Variants in MIA3 observed in about 807,000 individuals in gnomAD.
MIA3 encodes the protein transport and Golgi organization protein 1 homolog.
MIA3 carries 90 observed loss-of-function variants against 192.4 expected under a neutral mutation model. The ratio of observed to expected loss-of-function variants is 0.47; its 90% CI spans 0.39 to 0.56. MIA3 has a LOEUF of 0.56. MIA3 is among the 20% of genes least tolerant of loss of function. The pLI, the probability that MIA3 is intolerant of heterozygous loss-of-function variation, is 0.00. For missense variants in MIA3, 2,123 were observed against 2,269.4 expected (o/e 0.94, Z 1.31); for synonymous variants, 740 against 792.8 (o/e 0.93, Z 1.12).
Position 222,628,467 on chromosome 1 carries a change from A to C in MIA3, c.1247A>C (p.Asp416Ala), listed in dbSNP as rs1192184613. 1 of 1,612,770 alleles carries C rather than the reference A, an allele frequency of 6.2e-7. No homozygotes were observed. The highest frequency in any genetic ancestry group is 1.7e-5 in the Admixed American group (1 of 59,694). The change falls in exon 4 of 28, where the codon GAT becomes GCT. Residue 416 changes from aspartate (D) to alanine (A), a missense_variant. Transcript: ENST00000344922. ...SSSEEEKEDD[D>A]DALVPDSKQG... ...TCAGAGGAAGAAAAAGAAGATGATG[A>C]TGATGCATTAGTCCCAGATAGCAAA... is the stretch of plus-strand genomic sequence containing the variant.
intron 2 of MIA3, among the ~76,000 whole-genome samples, chr1:222,623,684 A>C (rs1661979700): frequency 6.6e-6 from 1 of 152,176 alleles, no homozygotes; most frequent in African/African-American, 2.4e-5. Flanking sequence ...ATGTTTTATG[A>C]ATTAGTGATA....
intron 19 of MIA3, 52 bp from the exon 20 acceptor site, chr1:222,659,401 T>A (rs1663893195): frequency 6.6e-7 from 1 of 1,516,482 alleles, no homozygotes; most frequent in African/African-American, 1.4e-5. Flanking sequence ...TCAGATTGTT[T>A]GGGTTTTTAT....
chr1:222,632,243 C>T lies in MIA3; in HGVS notation c.3248C>T (p.Thr1083Ile). The change falls in exon 5 of 28, where the codon ACC becomes ATC. Residue 1083 changes from threonine (T) to isoleucine (I), a missense_variant. Physicochemically the swap from Thr to Ile is moderately conservative, Grantham distance 89. Coordinates refer to ENST00000344922, the MANE Select transcript of MIA3 (RefSeq NM_198551.4). ...ELNVQVPEEP[T>I]HLDQRVIGDT... is the part of the protein sequence containing the mutation. ...AATGTGCAGGTTCCTGAAGAACCCA[C>T]CCACTTGGACCAACGTGTGATTGGG... 3.1e-6 allele frequency: 5 copies of T among 1,614,132 alleles called. No individual in the cohort carries two copies. The highest frequency in any genetic ancestry group is 4.2e-6 in the Non-Finnish European group (5 of 1,179,982).
At chr1:222,625,217 G>C (rs1662056512) in intron 3 of MIA3, among the ~76,000 whole-genome samples, 1 of 152,110 alleles carries the variant, frequency 6.6e-6, no homozygotes, top group African/African-American at 2.4e-5. Flanking sequence ...CATTGTGTTA[G>C]GATGGTCTCG....
Position 222,665,338 on chromosome 1 carries a change from A to C in MIA3, c.5443A>C (p.Arg1815=). The change falls in exon 28 of 28, where the codon AGA becomes CGA. Residue 1815 remains arginine (R), a synonymous_variant. Transcript: ENST00000344922. ...GPGMRPPLGL[R]EFAPGVPPGR... ...TGGTATGCGTCCACCACTAGGCTTAAGAGAATTTGCACCAGGCGTTCCACC... is the reference window on the plus strand; with the variant it reads ...TGGTATGCGTCCACCACTAGGCTTACGAGAATTTGCACCAGGCGTTCCACC... The C allele has an allele frequency of 6.2e-7, 1 of 1,613,698 alleles. No homozygotes were observed. The highest frequency in any genetic ancestry group is 8.5e-7 in the Non-Finnish European group (1 of 1,179,792).
In MIA3 at chr1:222,630,281, A is replaced by T; in HGVS notation, c.3061A>T (p.Ile1021Phe). The T allele has an allele frequency of 6.2e-7, 1 of 1,614,226 alleles. No individual in the cohort carries two copies. Among genetic ancestry groups the T allele is most frequent in the Non-Finnish European group, 8.5e-7 (1 of 1,180,024 alleles). The part of the protein sequence containing the change: ...IFEEAAVLDD[I>F]QDLIYFVRYK... ...TGAAGAGGCTGCAGTGCTTGATGAC[A>T]TTCAAGACCTCATCTATTTTGTCAG... is the stretch of plus-strand genomic sequence containing the variant. Residue 1021 changes from isoleucine (I) to phenylalanine (F), a missense_variant, in exon 4 of 28, where the codon ATT becomes TTT. Around this residue, in one of 3 missense-constraint regions of MIA3, gnomAD observed 1,357 missense variants for 1,396.1 expected, o/e 0.97. Coordinates refer to ENST00000344922, the MANE Select transcript of MIA3 (RefSeq NM_198551.4).
chr1:222,654,584 G>A, intron 17 of MIA3, 71 bp from the exon 18 acceptor site: 1 of 1,572,706 alleles, frequency 6.4e-7, no homozygotes, highest in South Asian at 1.1e-5. Context: ...ATTTCTCTCA[G>A]CACCAGCCCC....
At chr1:222,642,829 T>C (rs1662923810) in intron 6 of MIA3, among the ~76,000 whole-genome samples, 2 of 152,250 alleles carry the variant, frequency 1.3e-5, no homozygotes, top group South Asian at 2.1e-4. Context: ...TCCATATGTT[T>C]TTAAATTATT....
intron 3 of MIA3, among the ~76,000 whole-genome samples, chr1:222,627,220 A>G (rs1181846361): frequency 2.0e-5 from 3 of 152,272 alleles, no homozygotes; most frequent in African/African-American, 7.2e-5. Context: ...GGGTCTCCCC[A>G]GGTGGGACTG....
intron 24 of MIA3, chr1:222,660,654 G>C (rs989787910): frequency 1.1e-5 from 2 of 178,018 alleles, no homozygotes; most frequent in African/African-American, 4.8e-5. Flanking sequence ...CTTCTATGCA[G>C]ATTTTTTTCA....
chr1:222,635,446 A>G (rs914987921), intron 6 of MIA3, among the ~76,000 whole-genome samples: 2 of 152,196 alleles, frequency 1.3e-5, no homozygotes, highest in Non-Finnish European at 2.9e-5. Context: ...TGCCGACTTG[A>G]GAGGGATTGT....
chr1:222,634,816 T>C (rs1396924750), intron 6 of MIA3, among the ~76,000 whole-genome samples: 1 of 152,234 alleles, frequency 6.6e-6, no homozygotes, highest in African/African-American at 2.4e-5. Flanking sequence ...CAAGCCAAGA[T>C]GATTTTATTT....
At chr1:222,657,113 G>A (rs990969398) in intron 18 of MIA3, among the ~76,000 whole-genome samples, 29 of 152,246 alleles carry the variant, frequency 1.9e-4, no homozygotes, top group African/African-American at 6.3e-4. Context: ...GAAATTTGAG[G>A]TCTAAGATGA....
At chr1:222,647,833 T>C (rs1018179255) in intron 7 of MIA3, 6 of 332,314 alleles carry the variant, frequency 1.8e-5, no homozygotes, top group Admixed American at 1.6e-4. Context: ...GTAATTTCTT[T>C]CCATGTTGGA....
intron 6 of MIA3, among the ~76,000 whole-genome samples, chr1:222,634,956 A>G (rs552626918): frequency 6.6e-6 from 1 of 152,356 alleles, no homozygotes; most frequent in South Asian, 2.1e-4. Context: ...TGATAATGTA[A>G]AATGTCTGGT....
In MIA3 at chr1:222,650,638, A is replaced by G; in HGVS notation, c.3725A>G (p.Lys1242Arg). ...TGAATGCTTTATTTTATATAGATCA[A>G]GGAATCAAAGAAACATGTTCAGGAA... ...QKLSNYEQKI[K>R]ESKKHVQETR... Residue 1242 changes from lysine (K) to arginine (R), a missense_variant, in exon 10 of 28, where the codon AAG (lysine) becomes AGG (arginine). Coordinates refer to ENST00000344922, the MANE Select transcript of MIA3 (RefSeq NM_198551.4). 6.3e-7 allele frequency: 1 copy of G among 1,574,884 alleles called. No homozygotes were observed. Among genetic ancestry groups the G allele is most frequent in the Non-Finnish European group, 8.7e-7 (1 of 1,152,098 alleles).
chr1:222,661,509 ATAG>A (rs1403527121), intron 24 of MIA3: 1 of 154,250 alleles, frequency 6.5e-6, no homozygotes, highest in Non-Finnish European at 1.4e-5. Context: ...CTTCTGGTCA[ATAG>A]TAGGCTATTT....
chr1:222,664,263 T>C, intron 27 of MIA3, 115 bp downstream of exon 27: 1 of 1,107,202 alleles, frequency 9.0e-7, no homozygotes, highest in Non-Finnish European at 1.3e-6. Context: ...TGAAGCTGAT[T>C]GAGTACACCG....
chr1:222,659,072 A>G (rs1663876970), intron 19 of MIA3: 2 of 445,750 alleles, frequency 4.5e-6, no homozygotes, highest in Non-Finnish European at 8.0e-6. Context: ...TTGTTATATG[A>G]TGTATCAAAA....
Sources: gnomAD v4.1 joint callset for allele counts (sites outside exome capture counted in the v4.1 genomes callset) on GRCh38, gnomAD v4.1.1 for gene constraint, gnomAD v4.1.1 regional missense constraint, MANE v1.5 for transcripts, NCBI Gene and HGNC (gene_info 2026-07-23, HGNC 2026-07-21) for gene names.